The following CCDC73 variants were observed in gnomAD, a reference collection of about 807,000 sequenced individuals.
CCDC73 encodes coiled-coil domain containing 73.
Under a neutral mutation model 116.5 loss-of-function variants are expected in CCDC73, and 95 were observed. The observed-to-expected ratio is 0.82, with a 90% CI of 0.69 to 0.97. The LOEUF (loss-of-function observed/expected upper bound fraction) is 0.97, where lower values mean the gene tolerates loss of function less well. Among genes scored for constraint, CCDC73 ranks in the 50% least tolerant of loss-of-function variants. The pLI, the probability that CCDC73 is intolerant of heterozygous loss-of-function variation, is 0.00. For synonymous variants in CCDC73, 398 were observed against 401.3 expected (o/e 0.99, Z 0.10); for missense variants, 1,066 against 1,206.8 (o/e 0.88, Z 1.73).
the CCDC73 span, among the ~76,000 whole-genome samples, chr11:32,828,296 G>GTCAGC: frequency 6.6e-6 from 1 of 151,956 alleles, no homozygotes; most frequent in Admixed American, 6.6e-5. Context: ...ATCACCTGAG[G>GTCAGC]TCAGGAGTTT....
At chr11:32,755,191 C>T (rs554422358) in intron 2 of CCDC73, among the ~76,000 whole-genome samples, 27 of 147,682 alleles carry the variant, frequency 1.8e-4, no homozygotes, top group Non-Finnish European at 2.5e-4. Context: ...CAGTCAGCTT[C>T]GACATTTTTT....
At chr11:32,788,151 A>G (rs1290276916) in intron 1 of CCDC73, among the ~76,000 whole-genome samples, 1 of 152,202 alleles carries the variant, frequency 6.6e-6, no homozygotes, top group Non-Finnish European at 1.5e-5. Context: ...CACTAAATTA[A>G]TTTTTGTTGC....
intron 13 of CCDC73, among the ~76,000 whole-genome samples, chr11:32,639,797 T>C (rs1855716358): frequency 6.6e-6 from 1 of 152,184 alleles, no homozygotes; most frequent in African/African-American, 2.4e-5. Flanking sequence ...CTGAACATTT[T>C]CACTTATTGT....
At chr11:32,729,603 C>G (rs1047978293) in intron 2 of CCDC73, among the ~76,000 whole-genome samples, 3 of 152,198 alleles carry the variant, frequency 2.0e-5, no homozygotes, top group Non-Finnish European at 4.4e-5. Flanking sequence ...AATCACCACA[C>G]CATCTTCCAC....
intron 1 of CCDC73, among the ~76,000 whole-genome samples, chr11:32,768,468 T>C (rs1442065407): frequency 1.3e-5 from 2 of 151,888 alleles, no homozygotes; most frequent in Non-Finnish European, 2.9e-5. Context: ...ACCTAAAGTA[T>C]AGTAATAAAA....
At chr11:32,762,966 C>A (rs1850405271) in intron 1 of CCDC73, among the ~76,000 whole-genome samples, 1 of 152,190 alleles carries the variant, frequency 6.6e-6, no homozygotes, top group Non-Finnish European at 1.5e-5. Context: ...GCGCCTGGCT[C>A]GGAGGGTCCC....
chr11:32,674,886 A>G (rs1856071763), intron 9 of CCDC73, among the ~76,000 whole-genome samples: 1 of 152,232 alleles, frequency 6.6e-6, no homozygotes, highest in Non-Finnish European at 1.5e-5. Context: ...AATCTCAGTA[A>G]GCAACAAATA....
chr11:32,619,780 A>G (rs938997623), intron 14 of CCDC73, among the ~76,000 whole-genome samples: 23 of 151,102 alleles, frequency 1.5e-4, no homozygotes, highest in African/African-American at 5.6e-4. Flanking sequence ...GGAGCAGAAG[A>G]AGCAGAAGAA....
chr11:32,714,532 G>A (rs1332688369), intron 3 of CCDC73, among the ~76,000 whole-genome samples: 1 of 152,082 alleles, frequency 6.6e-6, no homozygotes, highest in Non-Finnish European at 1.5e-5. Context: ...AACCATGTTG[G>A]AAATAATCCT....
chr11:32,635,298 C>A lies in CCDC73; in HGVS notation c.1185+398G>T, dbSNP rs191771659. On this transcript the variant is annotated intron_variant, in intron 14 of 17. Transcript: ENST00000335185. The stretch of plus-strand genomic sequence containing the variant: ...AGAACAATATTGAAGGACTTAGCTA[C>A]GTTTTATAGCTTCTTTAAAAGCTAC... Among the ~76,000 whole-genome samples, 12 of 152,138 alleles carry A rather than the reference C, an allele frequency of 7.9e-5. 1 individual carries two copies. Among genetic ancestry groups the A allele is most frequent in the Admixed American group, 6.6e-4 (10 of 15,262 alleles).
chr11:32,760,055 C>G, intron 2 of CCDC73, 54 bp downstream of exon 2: 1 of 1,446,608 alleles, frequency 6.9e-7, no homozygotes, highest in Non-Finnish European at 9.5e-7. Flanking sequence ...AAACAATAAA[C>G]TGAACAAAAT....
At chr11:32,743,454 G>A (rs905688445) in intron 2 of CCDC73, among the ~76,000 whole-genome samples, 3 of 152,098 alleles carry the variant, frequency 2.0e-5, no homozygotes, top group Admixed American at 6.6e-5. Flanking sequence ...CGAAATGAAG[G>A]CAGAAATAAA....
At chr11:32,645,037 A>G (rs138042585) in intron 12 of CCDC73, among the ~76,000 whole-genome samples, 1 of 152,274 alleles carries the variant, frequency 6.6e-6, no homozygotes, top group African/African-American at 2.4e-5. Flanking sequence ...TTTTTAATGA[A>G]TATTAATAAA....
At chr11:32,762,423 T>A (rs1037246614) in intron 1 of CCDC73, among the ~76,000 whole-genome samples, 1 of 152,162 alleles carries the variant, frequency 6.6e-6, no homozygotes, top group African/African-American at 2.4e-5. Context: ...ATAGCTCTTA[T>A]GGAGTCTGAT....
At chr11:32,805,588 C>A in the CCDC73 span, among the ~76,000 whole-genome samples, 1 of 152,120 alleles carries the variant, frequency 6.6e-6, no homozygotes, top group Non-Finnish European at 1.5e-5. Flanking sequence ...AAACACAAAG[C>A]CAACTTGAGG....
chr11:32,807,616 C>T, the CCDC73 span, among the ~76,000 whole-genome samples: 1 of 150,072 alleles, frequency 6.7e-6, no homozygotes, highest in Admixed American at 6.7e-5. Flanking sequence ...TTTAGCTCAG[C>T]AGCTATTGTT....
At chr11:32,773,813 G>A (rs1450034153) in intron 1 of CCDC73, among the ~76,000 whole-genome samples, 3 of 151,626 alleles carry the variant, frequency 2.0e-5, no homozygotes, top group African/African-American at 7.3e-5. Context: ...CACTGAGGGA[G>A]GGCTTATTGA....
At chr11:32,776,986 C>CAT (rs1232030218) in intron 1 of CCDC73, among the ~76,000 whole-genome samples, 307 of 95,532 alleles carry the variant, frequency 3.2e-3, no homozygotes, top group East Asian at 0.014. Context: ...TATATATACA[C>CAT]ATGTATATAT....
intron 12 of CCDC73, among the ~76,000 whole-genome samples, chr11:32,649,497 C>T (rs762992700): frequency 6.6e-5 from 10 of 152,146 alleles, no homozygotes; most frequent in Non-Finnish European, 1.2e-4. Flanking sequence ...TTGCAGAGCA[C>T]TGAAAAACAG....
Sources: gnomAD v4.1 joint callset for allele counts (sites outside exome capture counted in the v4.1 genomes callset) on GRCh38, gnomAD v4.1.1 for gene constraint, MANE v1.5 for transcripts, NCBI Gene and HGNC (gene_info 2026-07-23, HGNC 2026-07-21) for gene names.